IRAK2: variants seen among roughly 807,000 people sequenced by gnomAD.
The protein encoded by IRAK2 is interleukin 1 receptor associated kinase 2.
IRAK2 carries 57 observed loss-of-function variants against 72.0 expected under a neutral mutation model. The observed-to-expected ratio is 0.79, with a 90% confidence interval of 0.64 to 0.99. The LOEUF (loss-of-function observed/expected upper bound fraction) is 0.99. Among genes scored for constraint, IRAK2 ranks in the 50% least tolerant of loss-of-function variants. IRAK2 has a pLI of 0.00. For missense variants in IRAK2, 790 were observed against 794.4 expected (o/e 0.99, Z 0.07); for synonymous variants, 293 against 312.7 (o/e 0.94, Z 0.67).
At chr3:10,170,306 C>A (rs1053523331) in intron 1 of IRAK2, among the ~76,000 whole-genome samples, 1 of 152,164 alleles carries the variant, frequency 6.6e-6, no homozygotes, top group Non-Finnish European at 1.5e-5. Context: ...TTGGCCAGAC[C>A]CAGAGAATCC....
chr3:10,234,845 G>T (rs1697927882), intron 11 of IRAK2, among the ~76,000 whole-genome samples, 186 bp downstream of exon 11: 2 of 152,190 alleles, frequency 1.3e-5, no homozygotes, highest in South Asian at 4.1e-4. Context: ...CCCGAGGACG[G>T]GTATTGCAGG....
At chr3:10,183,916 C>A (rs998121116) in intron 2 of IRAK2, among the ~76,000 whole-genome samples, 1 of 152,140 alleles carries the variant, frequency 6.6e-6, no homozygotes, top group Non-Finnish European at 1.5e-5. Context: ...AAGCGCAGAC[C>A]ACAGTGGCTG....
chr3:10,230,383 C>T (rs1697840310), intron 10 of IRAK2, among the ~76,000 whole-genome samples: 2 of 151,896 alleles, frequency 1.3e-5, no homozygotes, highest in Admixed American at 1.3e-4. Flanking sequence ...AGTGCAGTGG[C>T]ATGATCATAG....
rs541456661 is a variant in IRAK2, at chr3:10,239,006, G to A, written c.1732G>A (p.Glu578Lys). The A allele has an allele frequency of 5.6e-6, 9 of 1,612,262 alleles. No individual in the cohort carries two copies. The highest frequency in any genetic ancestry group is 1.7e-5 in the Admixed American group (1 of 59,996). Residue 578 changes from glutamate to lysine, a missense_variant, in exon 12 of 13, where the codon GAG (glutamate) becomes AAG (lysine). Physicochemically the swap from Glu to Lys is moderately conservative, Grantham distance 56 (BLOSUM62 1). Transcript: ENST00000256458. ...IVGREADSSS[E>K]ACVGLEPPQD... Reference sequence around the variant, plus strand: ...GGGAAGGGAGGCTGACTCCTCCTCTGAGGCCTGTGTTGGCCTGGAGCCTCC... The same window carrying A: ...GGGAAGGGAGGCTGACTCCTCCTCTAAGGCCTGTGTTGGCCTGGAGCCTCC...
intron 4 of IRAK2, 152 bp downstream of exon 4, chr3:10,209,844 T>G (rs1046565692): frequency 4.6e-6 from 2 of 431,810 alleles, no homozygotes; most frequent in Middle Eastern, 3.1e-4. Flanking sequence ...TCTAAGACTG[T>G]AAGTAGAGGA....
chr3:10,232,783 G>C (rs1401005190), intron 10 of IRAK2, among the ~76,000 whole-genome samples: 7 of 151,928 alleles, frequency 4.6e-5, no homozygotes, highest in Non-Finnish European at 8.8e-5. Flanking sequence ...AAACATTTAG[G>C]CTGGGTGCAG....
intron 2 of IRAK2, among the ~76,000 whole-genome samples, chr3:10,180,546 G>T (rs561513282): frequency 6.6e-6 from 1 of 152,104 alleles, no homozygotes; most frequent in East Asian, 1.9e-4. Flanking sequence ...ATGTGCAAGG[G>T]CCCTGAGGAG....
intron 2 of IRAK2, among the ~76,000 whole-genome samples, chr3:10,185,557 T>TAAAA (rs1697062209): frequency 2.5e-5 from 1 of 40,530 alleles, no homozygotes; most frequent in African/African-American, 1.6e-4. Flanking sequence ...AAACTCCGTC[T>TAAAA]CAAAAAAAAA....
rs776630647 is a variant in IRAK2 at position 10,209,619 on chromosome 3, C to A, written c.455C>A (p.Ala152Asp). Reference protein sequence around the residue: ...GSSPARAHQPAFLQPPEEDAP... With the variant: ...GSSPARAHQPDFLQPPEEDAP... ...TCTCCAGCCAGAGCCCACCAGCCGG[C>A]CTTTCTCCAGCCTCCTGAAGAAGAT... The change falls in exon 4 of 13, where the codon GCC (alanine) becomes GAC (aspartate). Residue 152 changes from alanine to aspartate, a missense_variant. Ala to Asp is a moderately radical substitution (Grantham distance 126). Coordinates refer to ENST00000256458, the MANE Select transcript of IRAK2 (RefSeq NM_001570.4). 1 of 1,569,196 alleles carries A rather than the reference C, an allele frequency of 6.4e-7. No homozygotes were observed. Among genetic ancestry groups the A allele is most frequent in the East Asian group, 2.5e-5 (1 of 40,486 alleles).
chr3:10,226,393 G>A lies in IRAK2; in HGVS notation c.1232G>A (p.Gly411Asp). 1 of 1,613,350 alleles carries A rather than the reference G, an allele frequency of 6.2e-7. No homozygotes were observed. The highest frequency in any genetic ancestry group is 8.5e-7 in the Non-Finnish European group (1 of 1,179,706). ...CGIVLAEVLT[G>D]IPAMDNNRSP... ...CAGGTGTTGGCCGAGGTCCTCACGG[G>A]CATCCCTGCAATGGATAACAACCGA... is the stretch of plus-strand genomic sequence containing the variant. Residue 411 changes from glycine (G) to aspartate (D), a missense_variant, in exon 10 of 13, where the codon GGC becomes GAC. Physicochemically the swap from Gly to Asp is moderately conservative, Grantham distance 94. Transcript: ENST00000256458.
intron 3 of IRAK2, among the ~76,000 whole-genome samples, chr3:10,209,192 C>T (rs1250445577): frequency 6.6e-6 from 1 of 152,180 alleles, no homozygotes; most frequent in Non-Finnish European, 1.5e-5. Context: ...TTCTGGAAGG[C>T]AGGCTTGGTA....
intron 2 of IRAK2, among the ~76,000 whole-genome samples, chr3:10,197,345 A>C (rs967631159): frequency 6.6e-5 from 10 of 151,572 alleles, no homozygotes; most frequent in African/African-American, 2.4e-4. Context: ...AGATTCCTCC[A>C]CTGTACTCTA....
At chr3:10,234,715 C>A in intron 11 of IRAK2, 56 bp downstream of exon 11, 1 of 1,480,798 alleles carries the variant, frequency 6.8e-7, no homozygotes, top group Non-Finnish European at 9.4e-7. Flanking sequence ...TCCACCTCAT[C>A]GGGGACGGCC....
intron 9 of IRAK2, 130 bp downstream of exon 9, chr3:10,222,961 C>G (rs1697720191): frequency 1.2e-6 from 1 of 801,528 alleles, no homozygotes; most frequent in African/African-American, 1.7e-5. Flanking sequence ...GGCTGACAAA[C>G]TGTGGCCCAC....
At chr3:10,187,957 T>C (rs1243192483) in intron 2 of IRAK2, among the ~76,000 whole-genome samples, 1 of 152,132 alleles carries the variant, frequency 6.6e-6, no homozygotes, top group Non-Finnish European at 1.5e-5. Flanking sequence ...GGCTTAACGA[T>C]GAGAGGCCTA....
chr3:10,238,633 C>T (rs1698003138), intron 11 of IRAK2, 115 bp from the exon 12 acceptor site: 2 of 994,514 alleles, frequency 2.0e-6, no homozygotes, highest in South Asian at 1.6e-5. Flanking sequence ...ACAAAACAAC[C>T]AGCATTAGGT....
chr3:10,179,556 C>T (rs142760209), intron 2 of IRAK2, among the ~76,000 whole-genome samples: 177 of 152,168 alleles, frequency 1.2e-3, no homozygotes, highest in Non-Finnish European at 2.0e-3. Context: ...GCCTCAGCTT[C>T]CTGAGTAGCT....
chr3:10,237,607 A>G (rs1697985307), intron 11 of IRAK2, among the ~76,000 whole-genome samples: 2 of 152,182 alleles, frequency 1.3e-5, no homozygotes, highest in African/African-American at 4.8e-5. Context: ...GGAGATCGAG[A>G]CCATCTTGGC....
intron 3 of IRAK2, among the ~76,000 whole-genome samples, chr3:10,200,796 G>A (rs1474567571): frequency 1.3e-5 from 2 of 152,200 alleles, no homozygotes; most frequent in African/African-American, 4.8e-5. Flanking sequence ...AGCTATTCAG[G>A]AGGCTGAGGT....
Sources: gnomAD v4.1 joint callset for allele counts (sites outside exome capture counted in the v4.1 genomes callset) on GRCh38, gnomAD v4.1.1 for gene constraint, MANE v1.5 for transcripts, NCBI Gene and HGNC (gene_info 2026-07-23, HGNC 2026-07-21) for gene names.